The following NHSL1 variants were observed in gnomAD, a reference collection of about 807,000 sequenced individuals.
NHSL1 encodes NHS like 1.
A neutral mutation model predicts 95.0 loss-of-function variants in NHSL1; 48 were observed. The ratio of observed to expected loss-of-function variants is 0.51; its 90% CI spans 0.40 to 0.64. The LOEUF (loss-of-function observed/expected upper bound fraction) is 0.64, where lower values mean the gene tolerates loss of function less well. Among genes scored for constraint, NHSL1 ranks in the 30% least tolerant of loss-of-function variants. The pLI is 0.00. For synonymous variants in NHSL1, 783 were observed against 833.9 expected (o/e 0.94, Z 1.05); for missense variants, 1,971 against 2,077.7 (o/e 0.95, Z 1.00).
intron 2 of NHSL1, among the ~76,000 whole-genome samples, chr6:138,484,353 T>TA (rs1367061832): frequency 6.7e-6 from 1 of 150,332 alleles, no homozygotes; most frequent in Non-Finnish European, 1.5e-5. Context: ...GGGGAGGGGG[T>TA]AAAAAAAAGG....
intron 3 of NHSL1, among the ~76,000 whole-genome samples, chr6:138,471,440 A>G (rs537833111): frequency 1.3e-5 from 2 of 152,342 alleles, no homozygotes; most frequent in East Asian, 3.9e-4. Flanking sequence ...AGAGAAAAAT[A>G]AAAATTTTCA....
intron 2 of NHSL1, among the ~76,000 whole-genome samples, chr6:138,475,208 A>G (rs1273603236): frequency 6.6e-6 from 1 of 151,780 alleles, no homozygotes; most frequent in East Asian, 1.9e-4. Context: ...TATATAAAAC[A>G]TGATTAGTAG....
chr6:138,679,909 TTAAA>T (rs1473893676), intron 1 of NHSL1, among the ~76,000 whole-genome samples: 1 of 152,108 alleles, frequency 6.6e-6, no homozygotes, highest in African/African-American at 2.4e-5. Flanking sequence ...ATTACTATAA[TTAAA>T]TATAGATAGA....
intron 1 of NHSL1, among the ~76,000 whole-genome samples, chr6:138,535,710 T>C (rs915151069): frequency 2.6e-5 from 4 of 152,192 alleles, no homozygotes; most frequent in South Asian, 2.1e-4. Flanking sequence ...AATTTTGATA[T>C]GTTCATGAGG....
chr6:138,671,839 C>T (rs574959899), intron 1 of NHSL1, among the ~76,000 whole-genome samples: 2 of 152,252 alleles, frequency 1.3e-5, no homozygotes, highest in South Asian at 4.1e-4. Context: ...TGATGTGGCT[C>T]TGCTCGAATG....
chr6:138,556,739 G>T (rs6901151), intron 1 of NHSL1, among the ~76,000 whole-genome samples: 1 of 151,866 alleles, frequency 6.6e-6, no homozygotes, highest in East Asian at 1.9e-4. Context: ...CATTAATGAG[G>T]CTCAAATATC....
At chr6:138,516,791 T>C (rs1008557629) in intron 1 of NHSL1, among the ~76,000 whole-genome samples, 3 of 152,050 alleles carry the variant, frequency 2.0e-5, no homozygotes, top group Admixed American at 1.3e-4. Context: ...CATGCCACCA[T>C]GCCCGGTTAA....
intron 3 of NHSL1, among the ~76,000 whole-genome samples, 200 bp from the exon 4 acceptor site, chr6:138,447,393 T>C (rs1265548929): frequency 6.6e-6 from 1 of 152,196 alleles, no homozygotes; most frequent in African/African-American, 2.4e-5. Flanking sequence ...AGCCTTAGTC[T>C]GTAAACTGTG....
intron 1 of NHSL1, among the ~76,000 whole-genome samples, chr6:138,583,978 A>G (rs1056014800): frequency 1.3e-5 from 2 of 152,070 alleles, no homozygotes; most frequent in African/African-American, 4.8e-5. Context: ...AATGAGCTGG[A>G]TGCGGTGGTG....
chr6:138,660,589 C>T (rs999657705), intron 1 of NHSL1, among the ~76,000 whole-genome samples: 2 of 150,672 alleles, frequency 1.3e-5, no homozygotes, highest in Admixed American at 6.6e-5. Flanking sequence ...TGCAGTGAGC[C>T]GAGATCGCGC....
intron 5 of NHSL1, among the ~76,000 whole-genome samples, chr6:138,439,887 A>C (rs544958535): frequency 2.2e-4 from 33 of 152,308 alleles, no homozygotes; most frequent in African/African-American, 7.7e-4. Flanking sequence ...TGATTTAAAA[A>C]ATACTAAAAT....
chr6:138,599,732 G>A (rs1259238585), intron 1 of NHSL1, among the ~76,000 whole-genome samples: 1 of 152,162 alleles, frequency 6.6e-6, no homozygotes, highest in Non-Finnish European at 1.5e-5. Flanking sequence ...CTCAGGCAGG[G>A]TCAGCTTAGT....
chr6:138,441,920 G>A, intron 5 of NHSL1, 63 bp downstream of exon 5: 1 of 1,446,972 alleles, frequency 6.9e-7, no homozygotes, highest in South Asian at 1.4e-5. Context: ...CCATGAATGA[G>A]GTTAGCGCAG....
At position 138,431,888 on chromosome 6, in the gene NHSL1, C is replaced by G; in HGVS notation, c.2457G>C (p.Gly819=). The G allele has an allele frequency of 1.3e-6, 2 of 1,551,724 alleles. No individual in the cohort carries two copies. The highest frequency in any genetic ancestry group is 1.7e-6 in the Non-Finnish European group (2 of 1,146,998). Residue 819 remains glycine (G), a synonymous_variant, in exon 6 of 8, where the codon GGG becomes GGC. Coordinates refer to ENST00000343505, the MANE Select transcript of NHSL1 (RefSeq NM_001144060.2). The surrounding 1 kb of genome is among the most constrained non-coding windows in gnomAD (Gnocchi z 4.0). Reference sequence around the variant, plus strand: ...GCACTTGGGGCATTGTGGCTCTGGACCCTTCTTGGACATGGCGGACTGGCC... The same window carrying G: ...GCACTTGGGGCATTGTGGCTCTGGAGCCTTCTTGGACATGGCGGACTGGCC... ...GNGPVRHVQE[G]SRATMPQVPG...
At chr6:138,565,235 T>C (rs546841221) in intron 1 of NHSL1, among the ~76,000 whole-genome samples, 7 of 152,188 alleles carry the variant, frequency 4.6e-5, no homozygotes, top group Admixed American at 4.6e-4. Flanking sequence ...GCCTCCCAAG[T>C]AGCTGGGATT....
At chr6:138,584,319 TTG>T (rs1784102487) in intron 1 of NHSL1, among the ~76,000 whole-genome samples, 1 of 152,230 alleles carries the variant, frequency 6.6e-6, no homozygotes, top group Non-Finnish European at 1.5e-5. Flanking sequence ...GCATAGCTGT[TTG>T]TGTTTCTCTC....
chr6:138,520,280 C>CTTTTTTTT (rs397888767), intron 1 of NHSL1, among the ~76,000 whole-genome samples: 4 of 80,942 alleles, frequency 4.9e-5, no homozygotes, highest in African/African-American at 9.3e-5. Flanking sequence ...TAGTTTAATT[C>CTTTTTTTT]TTTTTTTTTT....
chr6:138,692,710 C>G (rs1049090114), upstream of NHSL1: 1 of 151,656 alleles, frequency 6.6e-6, no homozygotes, highest in African/African-American at 2.4e-5. This position sits in a 1 kb window ranked among gnomAD's most constrained non-coding sequence, Gnocchi z 4.0. Flanking sequence ...CCGGCCCCCG[C>G]CGCCTCGGGC....
chr6:138,468,679 C>T (rs1778550721), intron 3 of NHSL1, among the ~76,000 whole-genome samples: 3 of 152,294 alleles, frequency 2.0e-5, no homozygotes, highest in Admixed American at 6.5e-5. Context: ...TGAAACTGGT[C>T]CTTGGTGACA....
Sources: allele counts gnomAD v4.1 joint callset (sites outside exome capture counted in the v4.1 genomes callset), GRCh38; gene constraint gnomAD v4.1.1; non-coding constraint Gnocchi (gnomAD v3.1); transcripts MANE v1.5; gene names NCBI Gene and HGNC (gene_info 2026-07-23, HGNC 2026-07-21).